The following DYRK1A variants were observed in gnomAD, a reference collection of about 807,000 sequenced individuals.
DYRK1A encodes dual specificity tyrosine-phosphorylation-regulated kinase 1A.
In DYRK1A, 9 loss-of-function variants were observed where a neutral mutation model predicts 79.7. The observed-to-expected ratio is 0.11, with a 90% confidence interval of 0.07 to 0.20. The LOEUF (loss-of-function observed/expected upper bound fraction) is 0.20. Among genes scored for constraint, DYRK1A ranks in the 10% least tolerant of loss-of-function variants. The pLI is 1.00. For synonymous variants in DYRK1A, 349 were observed against 329.7 expected, an observed-to-expected ratio of 1.06 and a Z score of -0.63; for missense variants, 622 against 956.0, an observed-to-expected ratio of 0.65 and a Z score of 4.61.
At position 37,474,194 on chromosome 21, in the gene DYRK1A, A is replaced by G. The variant is rs1437100002; in HGVS notation, c.207+1314A>G. Among the ~76,000 whole-genome samples the G allele has an allele frequency of 3.9e-5, 6 of 152,334 alleles. No individual in the cohort carries two copies. The East Asian group carries it at 9.6e-4, about 24-fold the overall frequency. ...CTTTCAGGTCTAACCTCTGGTGTCT[A>G]CAGCGGGCTAGGAAAACTTCCAGTC... On this transcript the variant is annotated intron_variant, in intron 3 of 11. Coordinates refer to ENST00000647188, the MANE Select transcript of DYRK1A (RefSeq NM_001347721.2).
At chr21:37,493,975 C>T (rs1212342330) in intron 8 of DYRK1A, among the ~76,000 whole-genome samples, 3 of 129,722 alleles carry the variant, frequency 2.3e-5, no homozygotes, top group African/African-American at 5.8e-5. Context: ...GAGTCTTGCT[C>T]TGTCACTCAG....
chr21:37,465,795 C>T (rs1036939568), intron 2 of DYRK1A, among the ~76,000 whole-genome samples: 9 of 152,032 alleles, frequency 5.9e-5, no homozygotes, highest in African/African-American at 2.2e-4. Flanking sequence ...CAAGAGTGCA[C>T]CACTGCCCTC....
chr21:37,395,365 G>T (rs2049941867), intron 1 of DYRK1A, among the ~76,000 whole-genome samples: 1 of 152,124 alleles, frequency 6.6e-6, no homozygotes, highest in African/African-American at 2.4e-5. Flanking sequence ...AAGGGTGTAA[G>T]GATTGTTATT....
At chr21:37,463,585 A>G (rs2051924917) in intron 2 of DYRK1A, among the ~76,000 whole-genome samples, 1 of 152,114 alleles carries the variant, frequency 6.6e-6, no homozygotes, top group South Asian at 2.1e-4. Context: ...ATTTCTTCAC[A>G]GTCTAAATAT....
intron 1 of DYRK1A, among the ~76,000 whole-genome samples, chr21:37,402,333 C>G (rs2050068054): frequency 6.6e-6 from 1 of 152,164 alleles, no homozygotes; most frequent in South Asian, 2.1e-4. Flanking sequence ...ATTTTAATCT[C>G]TAAATGTCTG....
chr21:37,501,858 T>G (rs1358460517), intron 9 of DYRK1A: 2 of 152,252 alleles, frequency 1.3e-5, no homozygotes, highest in African/African-American at 4.8e-5. Flanking sequence ...ATTGATAAGT[T>G]TGGATTTGTC....
intron 2 of DYRK1A, among the ~76,000 whole-genome samples, chr21:37,452,270 C>G (rs1292770845): frequency 6.8e-6 from 1 of 148,066 alleles, no homozygotes; most frequent in African/African-American, 2.5e-5. Flanking sequence ...GGATTAAGAT[C>G]TTGACAGAGC....
intron 6 of DYRK1A, chr21:37,487,001 C>T (rs2052894539): frequency 6.5e-6 from 1 of 154,022 alleles, no homozygotes; most frequent in Admixed American, 6.5e-5. Flanking sequence ...GGTTGTGGAA[C>T]CATTTTTGGG....
chr21:37,389,286 C>T (rs969023017), intron 1 of DYRK1A, among the ~76,000 whole-genome samples: 3 of 151,856 alleles, frequency 2.0e-5, no homozygotes, highest in Non-Finnish European at 2.9e-5. Flanking sequence ...ACCTCAGCCT[C>T]CTGAGTAGCT....
intron 1 of DYRK1A, among the ~76,000 whole-genome samples, chr21:37,387,756 A>C (rs2049788432): frequency 6.6e-6 from 1 of 152,196 alleles, no homozygotes; most frequent in African/African-American, 2.4e-5. Context: ...TAATTTTTTG[A>C]GATACGGTCA....
At chr21:37,482,990 A>T (rs1410887830) in intron 5 of DYRK1A, among the ~76,000 whole-genome samples, 1 of 152,168 alleles carries the variant, frequency 6.6e-6, no homozygotes, top group Non-Finnish European at 1.5e-5. Context: ...CCCAGATTTC[A>T]TATTGTTCAA....
At chr21:37,446,754 G>T (rs905660966) in intron 2 of DYRK1A, among the ~76,000 whole-genome samples, 1 of 152,082 alleles carries the variant, frequency 6.6e-6, no homozygotes, top group Non-Finnish European at 1.5e-5. Context: ...TAGATCTGAG[G>T]CTAAAATGGA....
Position 37,488,354 on chromosome 21 carries a change from A to G in DYRK1A, c.637+1740A>G, listed in dbSNP as rs1331566348. 2.1e-5 allele frequency: 20 copies of G among 936,870 alleles called. No individual in the cohort carries two copies. In the African/African-American group the frequency reaches 2.8e-4, roughly 13 times the overall value. The allele number at this position is 936,870 out of a possible 1,614,324, so 58.0% of individuals were successfully genotyped here. ...TGAATTGATACCTTAAACTTAAGGT[A>G]TCCGAAAGTCATATTGATTTTTATG... On this transcript the variant is annotated intron_variant, in intron 6 of 11. Coordinates refer to ENST00000647188, the MANE Select transcript of DYRK1A (RefSeq NM_001347721.2).
chr21:37,388,716 C>T (rs948823466), intron 1 of DYRK1A, among the ~76,000 whole-genome samples: 1 of 151,390 alleles, frequency 6.6e-6, no homozygotes, highest in African/African-American at 2.4e-5. Flanking sequence ...GTGATCTCGG[C>T]TCACTGCAAG....
chr21:37,509,424 T>C (rs898266551), intron 11 of DYRK1A, among the ~76,000 whole-genome samples: 1 of 152,184 alleles, frequency 6.6e-6, no homozygotes, highest in Non-Finnish European at 1.5e-5. Flanking sequence ...CTTTTCACCA[T>C]TCCCCTATTG....
Position 37,520,832 on chromosome 21 carries a change from G to GC in DYRK1A, c.*8301_*8302insC. 1 of 152,226 alleles carries GC rather than the reference G, an allele frequency of 6.6e-6. No individual in the cohort carries two copies. Among genetic ancestry groups the GC allele is most frequent in the Non-Finnish European group, 1.5e-5 (1 of 68,090 alleles). 9.4% of individuals were successfully genotyped at this position (152,226 alleles called of 1,614,324 possible). A position where few individuals can be genotyped will look rare whatever the true frequency, so the allele number is the denominator to read the frequency against. On this transcript the variant is annotated 3_prime_UTR_variant, in exon 12 of 12. Coordinates refer to ENST00000647188, the MANE Select transcript of DYRK1A (RefSeq NM_001347721.2). ...CAGGGGCTCCAGCGCTCACCGCTGG[G>GC]TGAGATCTACAGGGCTCAGTGCGCT...
At chr21:37,396,999 G>A (rs1252832114) in intron 1 of DYRK1A, among the ~76,000 whole-genome samples, 1 of 152,160 alleles carries the variant, frequency 6.6e-6, no homozygotes, top group African/African-American at 2.4e-5. Flanking sequence ...CTCTGCCCTA[G>A]GGTATAGTCC....
At chr21:37,365,744 C>T (rs902948219), upstream of DYRK1A, 1 of 152,272 alleles carries the variant, frequency 6.6e-6, no homozygotes, top group African/African-American at 2.4e-5. Context: ...GAAAAGAAAA[C>T]CAGAGAGCTG....
chr21:37,416,548 C>T (rs1386781755), intron 1 of DYRK1A, among the ~76,000 whole-genome samples: 2 of 151,712 alleles, frequency 1.3e-5, no homozygotes, highest in Non-Finnish European at 2.9e-5. Context: ...TATTATAATT[C>T]TAGAAAATTA....
Sources: allele counts gnomAD v4.1 joint callset (sites outside exome capture counted in the v4.1 genomes callset), GRCh38; gene constraint gnomAD v4.1.1; transcripts MANE v1.5; gene names NCBI Gene and HGNC (gene_info 2026-07-23, HGNC 2026-07-21).